The following KCNT2 variants were observed in gnomAD, a reference collection of about 807,000 sequenced individuals.
KCNT2 encodes the protein potassium channel subfamily T member 2.
KCNT2 carries 67 observed loss-of-function variants against 153.8 expected under a neutral mutation model. That is an observed-to-expected ratio of 0.44 (90% CI 0.36 to 0.53). KCNT2 has a LOEUF of 0.53. KCNT2 is among the 20% of genes least tolerant of loss of function. The pLI is 0.00. For synonymous variants in KCNT2, 500 were observed against 458.8 expected (o/e 1.09, Z -1.15); for missense variants, 975 against 1,354.8 (o/e 0.72, Z 4.40).
chr1:196,359,406 T>C (rs1667439021), intron 14 of KCNT2, among the ~76,000 whole-genome samples: 1 of 152,024 alleles, frequency 6.6e-6, no homozygotes, highest in Non-Finnish European at 1.5e-5. Context: ...TTTTTCCTTG[T>C]ATCAATGGAG....
Position 196,467,720 on chromosome 1 carries a change from C to A in KCNT2, c.526G>T (p.Ala176Ser). Residue 176 changes from alanine to serine, a missense_variant, in exon 7 of 28, where the codon GCC becomes TCC. Physicochemically the swap from Ala to Ser is moderately conservative, Grantham distance 99. Transcript: ENST00000294725. The stretch of plus-strand genomic sequence containing the variant: ...ATACTTACAATCATATTTTCCAAGG[C>A]ATGTTTGGCAAGCCAACAGTTCAGA... Reference protein sequence around the residue: ...VFLNCWLAKHALENMINDLHR... With the variant: ...VFLNCWLAKHSLENMINDLHR... 5 of 1,602,648 alleles carry A rather than the reference C, an allele frequency of 3.1e-6. No individual in the cohort carries two copies. The highest frequency in any genetic ancestry group is 4.3e-6 in the Non-Finnish European group (5 of 1,171,394).
chr1:196,269,554 C>CAA (rs1435946390), intron 25 of KCNT2, among the ~76,000 whole-genome samples: 7 of 151,906 alleles, frequency 4.6e-5, no homozygotes, highest in East Asian at 1.9e-4. Context: ...GAATATGGGA[C>CAA]TATATACAAA....
intron 1 of KCNT2, among the ~76,000 whole-genome samples, chr1:196,573,730 C>A (rs529059747): frequency 9.8e-4 from 149 of 152,040 alleles, no homozygotes; most frequent in African/African-American, 3.4e-3. Context: ...CCTCAGAAAA[C>A]TGGCTGAAAT....
intron 27 of KCNT2, among the ~76,000 whole-genome samples, chr1:196,234,310 G>A (rs1376269583): frequency 1.3e-5 from 2 of 149,796 alleles, no homozygotes; most frequent in African/African-American, 4.9e-5. Context: ...CTGGAAAATT[G>A]TCTCCCCATT....
At chr1:196,544,604 G>A (rs935470103) in intron 1 of KCNT2, among the ~76,000 whole-genome samples, 10 of 152,110 alleles carry the variant, frequency 6.6e-5, no homozygotes, top group Non-Finnish European at 4.4e-5. Context: ...GGGCAATATG[G>A]GAAAATTTAG....
chr1:196,323,824 T>C (rs976119721), intron 19 of KCNT2, among the ~76,000 whole-genome samples: 3 of 151,862 alleles, frequency 2.0e-5, no homozygotes, highest in Non-Finnish European at 4.4e-5. Flanking sequence ...AACTAATAAT[T>C]CTAGAAGGGT....
intron 1 of KCNT2, among the ~76,000 whole-genome samples, chr1:196,537,556 C>T (rs1655752160): frequency 1.3e-5 from 2 of 152,160 alleles, no homozygotes; most frequent in African/African-American, 4.8e-5. Flanking sequence ...GTTGTGGTGT[C>T]TCCCCACGCC....
At chr1:196,230,567 T>A (rs536968956) in intron 27 of KCNT2, among the ~76,000 whole-genome samples, 5 of 152,072 alleles carry the variant, frequency 3.3e-5, no homozygotes, top group African/African-American at 1.2e-4. Flanking sequence ...GGTAGAAATA[T>A]CAACATTAAC....
chr1:196,448,884 A>G (rs957468159), intron 8 of KCNT2, among the ~76,000 whole-genome samples: 12 of 151,744 alleles, frequency 7.9e-5, no homozygotes, highest in Non-Finnish European at 1.5e-4. Context: ...AAACCTAAGA[A>G]GAACAATCAT....
At chr1:196,276,129 T>C (rs1163351828) in intron 25 of KCNT2, among the ~76,000 whole-genome samples, 1 of 152,066 alleles carries the variant, frequency 6.6e-6, no homozygotes, top group African/African-American at 2.4e-5. Flanking sequence ...CTTCTCACTC[T>C]GCAAGAAGAG....
intron 12 of KCNT2, among the ~76,000 whole-genome samples, chr1:196,411,354 C>CTT: frequency 6.7e-6 from 1 of 149,304 alleles, no homozygotes; most frequent in Non-Finnish European, 1.5e-5. Flanking sequence ...TTGATACCTC[C>CTT]TGCTTTCTTC....
chr1:196,522,846 T>C (rs956650276), intron 1 of KCNT2, among the ~76,000 whole-genome samples: 3 of 152,138 alleles, frequency 2.0e-5, no homozygotes, highest in African/African-American at 7.2e-5. Flanking sequence ...ATCAGCACTC[T>C]GTAAAATGGA....
chr1:196,369,204 A>C (rs1431759814), intron 14 of KCNT2, among the ~76,000 whole-genome samples: 1 of 152,208 alleles, frequency 6.6e-6, no homozygotes, highest in Non-Finnish European at 1.5e-5. Flanking sequence ...AAATGTAATC[A>C]GGATGGGCCA....
At chr1:196,230,677 A>T (rs1396725608) in intron 27 of KCNT2, among the ~76,000 whole-genome samples, 1 of 152,024 alleles carries the variant, frequency 6.6e-6, no homozygotes, top group Non-Finnish European at 1.5e-5. Flanking sequence ...AAATAGCAAG[A>T]TAACTAGAAT....
intron 1 of KCNT2, among the ~76,000 whole-genome samples, chr1:196,500,166 T>G (rs1237806549): frequency 1.8e-4 from 21 of 113,784 alleles, no homozygotes; most frequent in African/African-American, 5.1e-4. Flanking sequence ...AAAGAAGGAA[T>G]AAAGGAAGAA....
intron 1 of KCNT2, among the ~76,000 whole-genome samples, chr1:196,566,561 A>G (rs1002216643): frequency 2.0e-5 from 3 of 152,122 alleles, no homozygotes; most frequent in African/African-American, 4.8e-5. Context: ...TCAGGTGTGA[A>G]GTAGTAAAAG....
chr1:196,493,671 A>G (rs1680030606), intron 1 of KCNT2, among the ~76,000 whole-genome samples: 1 of 152,122 alleles, frequency 6.6e-6, no homozygotes, highest in Non-Finnish European at 1.5e-5. Flanking sequence ...TGTCATCTAC[A>G]TTAGGTATTT....
intron 14 of KCNT2, among the ~76,000 whole-genome samples, chr1:196,354,897 A>C (rs1361168809): frequency 6.6e-6 from 1 of 151,808 alleles, no homozygotes; most frequent in Non-Finnish European, 1.5e-5. Flanking sequence ...AACTTTATTT[A>C]AAAATTAAAA....
chr1:196,429,552 T>C, intron 9 of KCNT2, 25 bp downstream of exon 9: 1 of 1,514,888 alleles, frequency 6.6e-7, no homozygotes, highest in South Asian at 1.2e-5. Context: ...TACATTTCTA[T>C]GCAATATAAG....
Sources: gnomAD v4.1 joint callset for allele counts (sites outside exome capture counted in the v4.1 genomes callset) on GRCh38, gnomAD v4.1.1 for gene constraint, MANE v1.5 for transcripts, NCBI Gene and HGNC (gene_info 2026-07-23, HGNC 2026-07-21) for gene names.